Variants in PRH1 observed in about 807,000 individuals in gnomAD.
PRH1 encodes proline rich protein HaeIII subfamily 1.
Under a neutral mutation model 7.9 loss-of-function variants are expected in PRH1, and 7 were observed. The observed-to-expected ratio is 0.89, with a 90% CI of 0.50 to 1.67. The LOEUF (loss-of-function observed/expected upper bound fraction) is 1.67, where lower values mean the gene tolerates loss of function less well. Ranked by LOEUF, PRH1 falls within the 40% of genes most tolerant of loss-of-function variation. The probability of loss-of-function intolerance (pLI) is 0.00; values close to 1 mark genes in which losing one functional copy is unlikely to be tolerated. For missense variants in PRH1, 109 were observed against 223.6 expected (o/e 0.49, Z 3.27); for synonymous variants, 45 against 80.8 (o/e 0.56, Z 2.38).
chr12:11,145,270 C>T (rs1170616275), intron 1 of PRH1, among the ~76,000 whole-genome samples: 2 of 152,194 alleles, frequency 1.3e-5, no homozygotes, highest in African/African-American at 4.8e-5. Context: ...CGGGTCACTG[C>T]AACCTCTGCC....
intron 1 of PRH1, among the ~76,000 whole-genome samples, chr12:11,147,347 A>G (rs906317823): frequency 6.6e-6 from 1 of 151,866 alleles, no homozygotes; most frequent in African/African-American, 2.4e-5. Flanking sequence ...GCCACCACAC[A>G]CCGCTAATTT....
At chr12:11,098,519 T>C (rs1267033787) in intron 1 of PRH1, among the ~76,000 whole-genome samples, 1 of 152,226 alleles carries the variant, frequency 6.6e-6, no homozygotes, top group Non-Finnish European at 1.5e-5. Flanking sequence ...GAGTTTGCAA[T>C]TTTTCTTTGT....
At chr12:11,163,623 GAAGT>G (rs1385748920) in intron 1 of PRH1, among the ~76,000 whole-genome samples, 3 of 152,170 alleles carry the variant, frequency 2.0e-5, no homozygotes, top group Admixed American at 6.5e-5. Context: ...GAGAAAAAAA[GAAGT>G]AAGAATATAA....
chr12:10,949,682 C>G (rs117375724), intron 2 of PRH1, among the ~76,000 whole-genome samples: 3,009 of 151,890 alleles, frequency 0.02, 35 homozygotes, highest in South Asian at 0.031. Context: ...TTACTATTGT[C>G]GAACATAACA....
chr12:10,968,518 T>C (rs767745009), intron 2 of PRH1, among the ~76,000 whole-genome samples: 53 of 152,356 alleles, frequency 3.5e-4, no homozygotes, highest in Admixed American at 5.9e-4. Flanking sequence ...TTCAGGGTAA[T>C]GGGATAACAC....
upstream of PRH1, among the ~76,000 whole-genome samples, chr12:11,051,375 G>C (rs1033774687): frequency 6.8e-5 from 10 of 147,642 alleles, no homozygotes; most frequent in Non-Finnish European, 1.5e-4. Context: ...TTTTCCCTTT[G>C]GTATATAATG....
chr12:11,016,504 T>C (rs905142065), intron 1 of PRH1, among the ~76,000 whole-genome samples: 3 of 152,172 alleles, frequency 2.0e-5, no homozygotes, highest in Non-Finnish European at 4.4e-5. Flanking sequence ...TTGTTGTTTT[T>C]TCTGTTTTTT....
chr12:10,932,926 C>A (rs558037596), intron 2 of PRH1, among the ~76,000 whole-genome samples: 16 of 151,326 alleles, frequency 1.1e-4, no homozygotes, highest in African/African-American at 3.9e-4. Context: ...AAGCAATGAG[C>A]TCAAATAATT....
At chr12:11,105,800 A>G (rs1445036328) in intron 1 of PRH1, among the ~76,000 whole-genome samples, 2 of 152,316 alleles carry the variant, frequency 1.3e-5, no homozygotes, top group East Asian at 3.9e-4. Flanking sequence ...AAGTAAATTT[A>G]ATTTTTCAAC....
At chr12:11,018,876 A>G (rs1369309834) in intron 1 of PRH1, among the ~76,000 whole-genome samples, 178 of 151,932 alleles carry the variant, frequency 1.2e-3, no homozygotes, top group Non-Finnish European at 1.8e-3. Flanking sequence ...CGTGGAGCAC[A>G]TAGTTAGATG....
intron 1 of PRH1, among the ~76,000 whole-genome samples, chr12:11,124,686 T>C (rs1032737380): frequency 6.6e-6 from 1 of 152,228 alleles, no homozygotes; most frequent in Non-Finnish European, 1.5e-5. Context: ...CAAAAATAAA[T>C]CATTTAATAA....
exon 2 of PRH1, chr12:11,121,108 G>A (rs1945887839): frequency 6.5e-6 from 1 of 153,122 alleles, no homozygotes; most frequent in African/African-American, 2.4e-5. Flanking sequence ...CACAGAAGAA[G>A]TTCCAAGGTT....
intron 1 of PRH1, among the ~76,000 whole-genome samples, chr12:11,108,995 G>A (rs528347212): frequency 3.3e-5 from 5 of 152,250 alleles, no homozygotes; most frequent in African/African-American, 7.2e-5. Context: ...AAGGATGTCC[G>A]CCATTACTGG....
intron 1 of PRH1, among the ~76,000 whole-genome samples, chr12:10,978,912 C>T (rs1006020764): frequency 6.7e-6 from 1 of 148,232 alleles, no homozygotes; most frequent in Admixed American, 6.6e-5. Context: ...AACAAACAAA[C>T]AAACAAACAA....
chr12:11,021,981 C>A, intron 1 of PRH1: 1 of 1,600,380 alleles, frequency 6.2e-7, no homozygotes, highest in Non-Finnish European at 8.5e-7. Context: ...AACAGATTAA[C>A]AGCAGAAAAC....
intron 1 of PRH1, among the ~76,000 whole-genome samples, chr12:11,130,626 G>C (rs1041628634): frequency 3.8e-5 from 4 of 105,106 alleles, no homozygotes; most frequent in African/African-American, 1.2e-4. Flanking sequence ...GGCATGCATA[G>C]TGGGCATTAT....
At chr12:11,150,012 C>T (rs28880719) in intron 1 of PRH1, among the ~76,000 whole-genome samples, 10,532 of 78,746 alleles carry the variant, frequency 0.13, 1,051 homozygotes, top group Non-Finnish European at 0.16. Context: ...GGGCAAAGGA[C>T]ATGAACAGAC....
chr12:11,146,079 A>G (rs951296650), intron 1 of PRH1, among the ~76,000 whole-genome samples: 5 of 152,102 alleles, frequency 3.3e-5, no homozygotes, highest in Non-Finnish European at 1.5e-5. Flanking sequence ...CGCTTTGACT[A>G]TATCCTACTA....
At chr12:11,096,381 T>C (rs1448912224) in intron 1 of PRH1, among the ~76,000 whole-genome samples, 2 of 116,362 alleles carry the variant, frequency 1.7e-5, no homozygotes. Context: ...CTTATTGTTT[T>C]AGAGGTAGAA....
Sources: gnomAD v4.1 joint callset for allele counts (sites outside exome capture counted in the v4.1 genomes callset) on GRCh38, gnomAD v4.1.1 for gene constraint, MANE v1.5 for transcripts, NCBI Gene and HGNC (gene_info 2026-07-23, HGNC 2026-07-21) for gene names.